SMAD6: variants seen among roughly 807,000 people sequenced by gnomAD.
SMAD6 encodes SMAD family member 6.
A neutral mutation model predicts 39.4 loss-of-function variants in SMAD6; 103 were observed. The observed-to-expected ratio is 2.62, with a 90% CI of 2.23 to 3.08. The LOEUF (loss-of-function observed/expected upper bound fraction) is 3.08, where lower values mean the gene tolerates loss of function less well. Among genes scored for constraint, SMAD6 ranks in the 30% most tolerant of loss-of-function variants. The pLI, the probability that SMAD6 is intolerant of heterozygous loss-of-function variation, is 0.00. For missense variants in SMAD6, 1,104 were observed against 742.9 expected, an observed-to-expected ratio of 1.49 and a Z score of -5.65; for synonymous variants, 445 against 353.3, an observed-to-expected ratio of 1.26 and a Z score of -2.91.
rs1409454848 is a variant in SMAD6 at position 66,743,259 on chromosome 15, T to G, written c.952+26761T>G. Among the ~76,000 whole-genome samples, 5 of 152,130 alleles carry G rather than the reference T, an allele frequency of 3.3e-5. No individual in the cohort carries two copies. In the East Asian group the frequency reaches 9.7e-4, roughly 29 times the overall value. ...AGAAGAAGGGTGGCTCTGGGCTGGGTAGTTATCTCCCAGGGCACCCCCCAA... is the reference window on the plus strand; with the variant it reads ...AGAAGAAGGGTGGCTCTGGGCTGGGGAGTTATCTCCCAGGGCACCCCCCAA... On this transcript the variant is annotated intron_variant, in intron 3 of 3. Coordinates refer to ENST00000288840, the MANE Select transcript of SMAD6 (RefSeq NM_005585.5).
chr15:66,714,909 C>T (rs1013011506), intron 2 of SMAD6, among the ~76,000 whole-genome samples: 1 of 152,070 alleles, frequency 6.6e-6, no homozygotes, highest in African/African-American at 2.4e-5. Flanking sequence ...AAATAGGACT[C>T]GGCTTGTGAT....
At chr15:66,742,017 GT>G (rs1275158422) in intron 3 of SMAD6, among the ~76,000 whole-genome samples, 2 of 152,208 alleles carry the variant, frequency 1.3e-5, no homozygotes, top group Non-Finnish European at 2.9e-5. Context: ...AGATTGCCCT[GT>G]TTCCCTGCAA....
intron 3 of SMAD6, chr15:66,717,214 A>C (rs536309506): frequency 2.8e-6 from 3 of 1,084,260 alleles, no homozygotes; most frequent in Admixed American, 2.3e-5. Flanking sequence ...GGCTGGTGGC[A>C]TGGTGGCCTG....
At position 66,781,441 on chromosome 15, in the gene SMAD6, T is replaced by G; in HGVS notation, c.1397T>G (p.Ile466Ser). 6.2e-7 allele frequency: 1 copy of G among 1,605,386 alleles called. No individual in the cohort carries two copies. Among genetic ancestry groups the G allele is most frequent in the Non-Finnish European group, 8.5e-7 (1 of 1,178,272 alleles). Reference sequence around the variant, plus strand: ...CCCTACGACCCCAACAGCGTCCGCATCAGCTTCGCCAAGGGCTGGGGGCCC... The same window carrying G: ...CCCTACGACCCCAACAGCGTCCGCAGCAGCTTCGCCAAGGGCTGGGGGCCC... ...DGPYDPNSVRISFAKGWGPCY... is the reference protein window; with the variant it reads ...DGPYDPNSVRSSFAKGWGPCY... Residue 466 changes from isoleucine to serine, a missense_variant, in exon 4 of 4, where the codon ATC (isoleucine) becomes AGC (serine). Physicochemically the swap from Ile to Ser is moderately radical, Grantham distance 142. Transcript: ENST00000288840.
chr15:66,724,501 C>T (rs926775258), intron 3 of SMAD6, among the ~76,000 whole-genome samples: 5 of 152,112 alleles, frequency 3.3e-5, no homozygotes, highest in African/African-American at 7.2e-5. Context: ...TTTTATTAGC[C>T]ATATTAAAGG....
At chr15:66,763,432 C>A (rs371244303) in intron 3 of SMAD6, among the ~76,000 whole-genome samples, 10 of 152,218 alleles carry the variant, frequency 6.6e-5, no homozygotes, top group Admixed American at 6.5e-4. Flanking sequence ...GCCATTCTCT[C>A]GTCAGTGCCG....
intron 3 of SMAD6, among the ~76,000 whole-genome samples, chr15:66,732,386 C>CT (rs147907661): frequency 0.02 from 2,982 of 152,230 alleles, 95 homozygotes; most frequent in African/African-American, 0.068. Flanking sequence ...GCGTCTCACT[C>CT]TGTCACCCAG....
At chr15:66,756,572 C>T (rs533855380) in intron 3 of SMAD6, among the ~76,000 whole-genome samples, 7 of 152,232 alleles carry the variant, frequency 4.6e-5, no homozygotes, top group Non-Finnish European at 1.0e-4. Context: ...TTACTCCCAT[C>T]CCTTGAAAAT....
At chr15:66,770,219 C>T (rs1894357014) in intron 3 of SMAD6, among the ~76,000 whole-genome samples, 1 of 152,058 alleles carries the variant, frequency 6.6e-6, no homozygotes, top group Non-Finnish European at 1.5e-5. Context: ...ATCTGAACCC[C>T]CAAAGGGCCA....
Position 66,782,276 on chromosome 15 carries a change from T to C in SMAD6, c.*741T>C, listed in dbSNP as rs1012335798. 1 of 197,790 alleles carries C rather than the reference T, an allele frequency of 5.1e-6. No homozygotes were observed. The highest frequency in any genetic ancestry group is 2.3e-5 in the African/African-American group (1 of 43,426). 12.3% of individuals were successfully genotyped at this position (197,790 alleles called of 1,614,324 possible). ...TCCTGGACAAGCTCTTCCAGTCTGA[T>C]GGAGGAGGTTCATGCCCTAGCCTAG... On this transcript the variant is annotated 3_prime_UTR_variant, in exon 4 of 4. Coordinates refer to ENST00000288840, the MANE Select transcript of SMAD6 (RefSeq NM_005585.5).
chr15:66,736,319 G>A (rs1021247060), intron 3 of SMAD6, among the ~76,000 whole-genome samples: 10 of 152,282 alleles, frequency 6.6e-5, no homozygotes, highest in South Asian at 2.1e-4. Context: ...GGGGACATAC[G>A]CATACTAAAA....
At chr15:66,742,865 TG>T (rs1451628641) in intron 3 of SMAD6, among the ~76,000 whole-genome samples, 6 of 152,168 alleles carry the variant, frequency 3.9e-5, no homozygotes, top group African/African-American at 2.4e-5. Flanking sequence ...TTTCTGGGCT[TG>T]GGTGCTCTTA....
At chr15:66,709,618 TC>T (rs1460272364) in intron 1 of SMAD6, among the ~76,000 whole-genome samples, 1 of 152,202 alleles carries the variant, frequency 6.6e-6, no homozygotes, top group Non-Finnish European at 1.5e-5. Context: ...CCTCAGCCAG[TC>T]AGATTTTTGC....
chr15:66,775,942 G>A (rs939046952), intron 3 of SMAD6, among the ~76,000 whole-genome samples: 1 of 152,228 alleles, frequency 6.6e-6, no homozygotes, highest in Non-Finnish European at 1.5e-5. Context: ...GGGAAGTACA[G>A]AGTGGGGACC....
intron 3 of SMAD6, among the ~76,000 whole-genome samples, chr15:66,735,795 A>T (rs1893702862): frequency 6.6e-6 from 1 of 152,044 alleles, no homozygotes; most frequent in South Asian, 2.1e-4. Context: ...GCACGTGTGC[A>T]TGCACACACA....
At chr15:66,717,241 G>C (rs546632071) in intron 3 of SMAD6, 6 of 754,956 alleles carry the variant, frequency 7.9e-6, no homozygotes, top group Non-Finnish European at 1.2e-5. Context: ...TGCTGGCTGG[G>C]ACTGACAGCC....
chr15:66,772,223 G>A (rs1894391224), intron 3 of SMAD6, among the ~76,000 whole-genome samples: 5 of 152,182 alleles, frequency 3.3e-5, no homozygotes, highest in Admixed American at 3.3e-4. Context: ...CTAGATAGAT[G>A]GAAGCTCAAA....
At chr15:66,780,591 G>A (rs1363240727) in intron 3 of SMAD6, among the ~76,000 whole-genome samples, 1 of 152,194 alleles carries the variant, frequency 6.6e-6, no homozygotes, top group Non-Finnish European at 1.5e-5. Flanking sequence ...AAGAAGTACA[G>A]TGCTCCACGC....
chr15:66,745,492 C>A (rs1257405701), intron 3 of SMAD6, among the ~76,000 whole-genome samples: 1 of 152,218 alleles, frequency 6.6e-6, no homozygotes, highest in East Asian at 1.9e-4. Flanking sequence ...TCCCTAAACT[C>A]CCCTTCCCCA....
Sources: gnomAD v4.1 joint callset for allele counts (sites outside exome capture counted in the v4.1 genomes callset) on GRCh38, gnomAD v4.1.1 for gene constraint, MANE v1.5 for transcripts, NCBI Gene and HGNC (gene_info 2026-07-23, HGNC 2026-07-21) for gene names.